The following LIG1 variants were observed in gnomAD, a reference collection of about 807,000 sequenced individuals.
LIG1 encodes the protein DNA ligase 1, also known as ligase I, DNA, ATP-dependent.
LIG1 carries 70 observed loss-of-function variants against 115.7 expected under a neutral mutation model. The observed-to-expected ratio is 0.60, with a 90% CI of 0.50 to 0.74. The LOEUF (loss-of-function observed/expected upper bound fraction) is 0.74. Among genes scored for constraint, LIG1 ranks in the 30% least tolerant of loss-of-function variants. The pLI is 0.00. For synonymous variants in LIG1, 487 were observed against 495.3 expected, an observed-to-expected ratio of 0.98 and a Z score of 0.22; for missense variants, 1,115 against 1,225.6, an observed-to-expected ratio of 0.91 and a Z score of 1.35.
In LIG1 at chr19:48,122,767, G is replaced by A. The variant is rs1362969701; in HGVS notation, c.2232+167C>T. On this transcript the variant is annotated intron_variant, in intron 23 of 27. Transcript: ENST00000263274. The surrounding 1 kb of genome is among the most constrained non-coding windows in gnomAD (Gnocchi z 4.3). The stretch of plus-strand genomic sequence containing the variant: ...CAGAACTCGTGAGCAAGGGCTCGCA[G>A]CAGGGAGAAGGTCTGAACTCAGTTG... 6.6e-6 allele frequency among the ~76,000 whole-genome samples: 1 copy of A among 152,164 alleles called. No individual in the cohort carries two copies. The highest frequency in any genetic ancestry group is 1.5e-5 in the Non-Finnish European group (1 of 68,030).
In LIG1 at chr19:48,157,067, G is replaced by A. The variant is rs762791139; in HGVS notation, c.317C>T (p.Ser106Phe). Reference sequence around the variant, plus strand: ...GGAACTGTCCATGGGAGAGGTGTCAGAGAGGGAAGCATTGTTCTCAGGAGA... The same window carrying A: ...GGAACTGTCCATGGGAGAGGTGTCAAAGAGGGAAGCATTGTTCTCAGGAGA... Reference protein sequence around the residue: ...ATSPENNASLSDTSPMDSSPS... With the variant: ...ATSPENNASLFDTSPMDSSPS... The change falls in exon 5 of 28, where the codon TCT (serine) becomes TTT (phenylalanine). Residue 106 changes from serine to phenylalanine, a missense_variant. Transcript: ENST00000263274. 6.8e-6 allele frequency: 11 copies of A among 1,612,518 alleles called. No individual in the cohort carries two copies. In the South Asian group the frequency reaches 1.1e-4, roughly 16 times the overall value.
chr19:48,169,444 CTT>C (rs540028593), intron 1 of LIG1, among the ~76,000 whole-genome samples: 30 of 152,292 alleles, frequency 2.0e-4, no homozygotes, highest in Admixed American at 1.1e-3. Flanking sequence ...TGGATATACT[CTT>C]TTCACAACTT....
rs367940183 is a variant in LIG1 at position 48,137,107 on chromosome 19, G to A, written c.1255-23C>T. On this transcript the variant is annotated intron_variant, in intron 13 of 27. Coordinates refer to ENST00000263274, the MANE Select transcript of LIG1 (RefSeq NM_000234.3). This position sits in a 1 kb window ranked among gnomAD's most constrained non-coding sequence, Gnocchi z 4.3. ...GGACTGGAGAGTCAGGGGAAGAGCC[G>A]TCAGTGCCTGGTGAAGGCAGGGACC... The A allele has an allele frequency of 5.3e-5, 84 of 1,590,570 alleles. No homozygotes were observed. Among genetic ancestry groups the A allele is most frequent in the Non-Finnish European group, 6.5e-5 (75 of 1,161,344 alleles).
intron 23 of LIG1, among the ~76,000 whole-genome samples, chr19:48,121,777 G>C (rs544971437): frequency 6.6e-6 from 1 of 152,226 alleles, no homozygotes; most frequent in Middle Eastern, 3.4e-3. Context: ...CTCCAGCCTG[G>C]GCAATGAGAG....
intron 24 of LIG1, chr19:48,120,815 C>G (rs1054653504): frequency 1.8e-6 from 1 of 570,796 alleles, no homozygotes; most frequent in African/African-American, 2.1e-5. Flanking sequence ...AATGTGGGGA[C>G]AAAAAAAAAT....
In LIG1 at chr19:48,116,526, G is replaced by A. The variant is rs368083817; in HGVS notation, c.2584-561C>T. 2.6e-5 allele frequency among the ~76,000 whole-genome samples: 4 copies of A among 151,696 alleles called. No homozygotes were observed. In the East Asian group the frequency reaches 7.7e-4, roughly 29 times the overall value. ...AATTCGGGCTGAGAGGCTGAACTAC[G>A]GCGCCAGGGTATGGGTTCTAGAATC... On this transcript the variant is annotated intron_variant, in intron 26 of 27. Coordinates refer to ENST00000263274, the MANE Select transcript of LIG1 (RefSeq NM_000234.3).
At chr19:48,143,815 T>C in intron 10 of LIG1, 68 bp downstream of exon 10, 1 of 1,374,332 alleles carries the variant, frequency 7.3e-7, no homozygotes, top group Non-Finnish European at 1.0e-6. Context: ...CAACCAAGAC[T>C]CTGCTTAGAG....
intron 4 of LIG1, among the ~76,000 whole-genome samples, chr19:48,158,993 G>T (rs1317606000): frequency 5.9e-5 from 9 of 152,066 alleles, no homozygotes; most frequent in Non-Finnish European, 8.8e-5. Context: ...CATACCTAGT[G>T]ACCATCCTTT....
rs1033953767 is a variant in LIG1 at position 48,140,220 on chromosome 19, G to T, written c.915-77C>A. The stretch of plus-strand genomic sequence containing the variant: ...GGTGTCGGGGTGGGGTGGGTTTAAG[G>T]GGGTGGACACTAGAAAGAAATGGAG... On this transcript the variant is annotated intron_variant, in intron 11 of 27. Transcript: ENST00000263274. The T allele has an allele frequency of 4.2e-6, 4 of 951,306 alleles. No homozygotes were observed. In the African/African-American group the frequency reaches 4.8e-5, roughly 11 times the overall value. 58.9% of individuals were successfully genotyped at this position (951,306 alleles called of 1,614,324 possible).
intron 4 of LIG1, among the ~76,000 whole-genome samples, chr19:48,160,420 G>A (rs1328045719): frequency 1.3e-5 from 2 of 152,150 alleles, no homozygotes; most frequent in Non-Finnish European, 2.9e-5. Context: ...GGAGCGAGCT[G>A]AGGAGGAGCT....
chr19:48,127,764 G>A, intron 20 of LIG1, 146 bp downstream of exon 20: 1 of 789,086 alleles, frequency 1.3e-6, no homozygotes, highest in South Asian at 1.4e-5. Context: ...GGCTGGAGCT[G>A]TGGCAGCCAT....
intron 7 of LIG1, among the ~76,000 whole-genome samples, chr19:48,150,872 A>AT (rs929787469): frequency 6.4e-4 from 97 of 150,712 alleles, no homozygotes; most frequent in African/African-American, 2.1e-3. Flanking sequence ...TCATTTTTGT[A>AT]TTTTTTTTGG....
At chr19:48,117,441 C>G (rs566713818) in intron 26 of LIG1, among the ~76,000 whole-genome samples, 197 bp downstream of exon 26, 1 of 152,136 alleles carries the variant, frequency 6.6e-6, no homozygotes, top group Admixed American at 6.5e-5. Context: ...ATTACAGGCA[C>G]GAGCCCCCAT....
At chr19:48,156,897 C>G in intron 5 of LIG1, 117 bp downstream of exon 5, 1 of 927,272 alleles carries the variant, frequency 1.1e-6, no homozygotes, top group Non-Finnish European at 1.5e-6. Flanking sequence ...CGAGATCATG[C>G]CACTGCACTC....
At chr19:48,135,975 AGGG>A (rs1185383025) in intron 15 of LIG1, 56 bp downstream of exon 15, 32 of 1,307,978 alleles carry the variant, frequency 2.4e-5, no homozygotes, top group Non-Finnish European at 3.1e-5. Context: ...TCTGAAGAGG[AGGG>A]GGGAAGCCTG....
chr19:48,158,686 C>T (rs910727123), intron 4 of LIG1, among the ~76,000 whole-genome samples: 4 of 152,342 alleles, frequency 2.6e-5, no homozygotes, highest in Admixed American at 2.0e-4. Flanking sequence ...GCCGGCTTGC[C>T]GGGGGCAGCT....
At position 48,122,934 on chromosome 19, in the gene LIG1, C is replaced by T. The variant is rs1222844874; in HGVS notation, c.2232G>A (p.Lys744=). 5.0e-6 allele frequency: 8 copies of T among 1,613,240 alleles called. No homozygotes were observed. Among genetic ancestry groups the T allele is most frequent in the Non-Finnish European group, 6.8e-6 (8 of 1,179,888 alleles). Residue 744 remains lysine (K), a splice_region_variant and synonymous_variant, in exon 23 of 28, where the codon AAG becomes AAA. Transcript: ENST00000263274. This position sits in a 1 kb window ranked among gnomAD's most constrained non-coding sequence, Gnocchi z 4.3. ...EIAKRSHNWL[K]LKKDYLDGVG... ...GGCCCAGTTGGGGGTCGAGAATCACCTTGAGCCAGTTGTGCGATCTCTTGG... is the reference window on the plus strand; with the variant it reads ...GGCCCAGTTGGGGGTCGAGAATCACTTTGAGCCAGTTGTGCGATCTCTTGG...
chr19:48,143,942 G>A lies in LIG1; in HGVS notation c.798C>T (p.Tyr266=). The part of the protein sequence containing the change: ...AAEGPLDPSG[Y]NPAKNNYHPV... Reference sequence around the variant, plus strand: ...GATGATAGTTGTTCTTGGCAGGATTGTAACCAGATGGATCCAGGGGTCTAC... The same window carrying A: ...GATGATAGTTGTTCTTGGCAGGATTATAACCAGATGGATCCAGGGGTCTAC... Residue 266 remains tyrosine (Y), a synonymous_variant, in exon 10 of 28, where the codon TAC becomes TAT. Coordinates refer to ENST00000263274, the MANE Select transcript of LIG1 (RefSeq NM_000234.3). The A allele has an allele frequency of 6.2e-7, 1 of 1,613,996 alleles. No individual in the cohort carries two copies. Among genetic ancestry groups the A allele is most frequent in the East Asian group, 2.2e-5 (1 of 44,878 alleles).
At chr19:48,156,743 C>T (rs1305448702) in intron 5 of LIG1, among the ~76,000 whole-genome samples, 1 of 151,820 alleles carries the variant, frequency 6.6e-6, no homozygotes, top group Admixed American at 6.6e-5. Flanking sequence ...GAGTTTGAGA[C>T]CAGCCTGGCC....
Sources: allele counts gnomAD v4.1 joint callset (sites outside exome capture counted in the v4.1 genomes callset), GRCh38; gene constraint gnomAD v4.1.1; non-coding constraint Gnocchi (gnomAD v3.1); transcripts MANE v1.5; gene names NCBI Gene and HGNC (gene_info 2026-07-23, HGNC 2026-07-21).